Variants in PAWR observed in about 807,000 individuals in gnomAD.
PAWR encodes the protein PRKC apoptosis WT1 regulator protein.
A neutral mutation model predicts 32.0 loss-of-function variants in PAWR; 23 were observed. The observed-to-expected ratio is 0.72, with a 90% CI of 0.52 to 1.02. The LOEUF (loss-of-function observed/expected upper bound fraction) is 1.02. Among genes scored for constraint, PAWR ranks in the 50% least tolerant of loss-of-function variants. The probability of loss-of-function intolerance (pLI) is 0.00; values close to 1 mark genes in which losing one functional copy is unlikely to be tolerated. For synonymous variants in PAWR, 226 were observed against 187.1 expected, an observed-to-expected ratio of 1.21 and a Z score of -1.70; for missense variants, 457 against 437.7, an observed-to-expected ratio of 1.04 and a Z score of -0.39.
chr12:79,662,755 C>G (rs532442473), intron 2 of PAWR, among the ~76,000 whole-genome samples: 1 of 152,262 alleles, frequency 6.6e-6, no homozygotes, highest in South Asian at 2.1e-4. Flanking sequence ...TCACATAAAG[C>G]CTATCTACTT....
chr12:79,627,872 C>A (rs1384086606), intron 2 of PAWR, among the ~76,000 whole-genome samples: 1 of 152,130 alleles, frequency 6.6e-6, no homozygotes, highest in Non-Finnish European at 1.5e-5. Flanking sequence ...GACTTTAACA[C>A]CCCACTGTCA....
intron 2 of PAWR, among the ~76,000 whole-genome samples, chr12:79,674,999 G>A (rs1878091711): frequency 1.3e-5 from 2 of 152,134 alleles, no homozygotes; most frequent in Non-Finnish European, 2.9e-5. Flanking sequence ...AAGCAGTTTG[G>A]AGATTTCTCA....
intron 2 of PAWR, among the ~76,000 whole-genome samples, chr12:79,645,001 T>C (rs1008769784): frequency 2.0e-5 from 3 of 149,262 alleles, no homozygotes; most frequent in South Asian, 2.1e-4. Flanking sequence ...GTCTCTGTAA[T>C]GTAAAAAAGA....
chr12:79,636,947 GCTCT>G (rs1378278705), intron 2 of PAWR, among the ~76,000 whole-genome samples: 4 of 152,056 alleles, frequency 2.6e-5, no homozygotes, highest in African/African-American at 9.6e-5. Flanking sequence ...CCTCAACAAG[GCTCT>G]AATAAGGAAA....
At chr12:79,676,925 A>G (rs1878198159) in intron 2 of PAWR, among the ~76,000 whole-genome samples, 1 of 152,224 alleles carries the variant, frequency 6.6e-6, no homozygotes, top group South Asian at 2.1e-4. Context: ...TCCTCCAGGA[A>G]TCTCTCAAAT....
At chr12:79,613,635 C>T (rs1874539991) in intron 3 of PAWR, 26 bp from the exon 4 acceptor site, 1 of 1,402,666 alleles carries the variant, frequency 7.1e-7, no homozygotes, top group African/African-American at 1.4e-5. Flanking sequence ...AATTATGTAT[C>T]AGTTTGAGTA....
intron 2 of PAWR, among the ~76,000 whole-genome samples, chr12:79,670,459 C>T (rs1305421068): frequency 2.1e-5 from 3 of 143,536 alleles, no homozygotes; most frequent in African/African-American, 8.9e-5. Context: ...ATCATTTTTT[C>T]TTGGGGAAAA....
intron 2 of PAWR, among the ~76,000 whole-genome samples, chr12:79,676,620 T>C (rs1053636406): frequency 6.6e-6 from 1 of 152,198 alleles, no homozygotes; most frequent in Non-Finnish European, 1.5e-5. Context: ...AATTTTGCTC[T>C]CACAATATGA....
chr12:79,636,363 G>A (rs554095357), intron 2 of PAWR, among the ~76,000 whole-genome samples: 3 of 152,182 alleles, frequency 2.0e-5, no homozygotes, highest in Non-Finnish European at 4.4e-5. Flanking sequence ...AATATATGGA[G>A]AAGAGTATAA....
rs1199048854 is a variant in PAWR at position 79,690,077 on chromosome 12, C to T, written c.168G>A (p.Gly56=). Residue 56 remains glycine, a synonymous_variant, in exon 2 of 7, where the codon GGG becomes GGA. Transcript: ENST00000328827. ...SSDAAGKPPA[G]ALGTPAAAAA... is the part of the protein sequence containing the mutation. ...CGGCGGCCGCCGGGGTGCCCAGAGC[C>T]CCCGCGGGGGGCTTCCCAGCGGCGT... 2.1e-6 allele frequency: 3 copies of T among 1,418,074 alleles called. No homozygotes were observed. The highest frequency in any genetic ancestry group is 3.4e-5 in the Admixed American group (1 of 29,666). 87.8% of individuals were successfully genotyped at this position (1,418,074 alleles called of 1,614,324 possible). A position where few individuals can be genotyped will look rare whatever the true frequency, so the allele number is the denominator to read the frequency against.
intron 2 of PAWR, among the ~76,000 whole-genome samples, chr12:79,632,338 TATATATATATATATA>T (rs1875717926): frequency 3.4e-5 from 2 of 58,740 alleles, no homozygotes; most frequent in African/African-American, 4.2e-4. Context: ...TATATATATA[TATATATATATATATA>T]TATATATATT....
chr12:79,675,450 C>G (rs1007797874), intron 2 of PAWR, among the ~76,000 whole-genome samples: 1 of 152,094 alleles, frequency 6.6e-6, no homozygotes, highest in African/African-American at 2.4e-5. Context: ...TTCATCGCAG[C>G]ACTATTCACA....
intron 2 of PAWR, among the ~76,000 whole-genome samples, chr12:79,673,024 T>C (rs2136858712): frequency 6.6e-6 from 1 of 152,278 alleles, no homozygotes; most frequent in Middle Eastern, 3.4e-3. Flanking sequence ...TCAAGTTAGA[T>C]GTCAAATTTC....
chr12:79,641,762 AC>A (rs1257557203), intron 2 of PAWR, among the ~76,000 whole-genome samples: 1 of 146,154 alleles, frequency 6.8e-6, no homozygotes, highest in East Asian at 2.1e-4. Context: ...CAGGAGAATC[AC>A]GTGGACCAGG....
At chr12:79,676,597 T>C (rs1240881265) in intron 2 of PAWR, among the ~76,000 whole-genome samples, 3 of 152,180 alleles carry the variant, frequency 2.0e-5, no homozygotes, top group East Asian at 1.9e-4. Flanking sequence ...AGCCTGATAG[T>C]TGATCTTATT....
chr12:79,647,749 T>C (rs1876644320), intron 2 of PAWR, among the ~76,000 whole-genome samples: 1 of 152,154 alleles, frequency 6.6e-6, no homozygotes, highest in South Asian at 2.1e-4. Context: ...AAGGGAAAGT[T>C]GAACATGAAA....
chr12:79,665,512 A>G (rs1877561419), intron 2 of PAWR, among the ~76,000 whole-genome samples: 4 of 152,102 alleles, frequency 2.6e-5, no homozygotes, highest in Admixed American at 1.3e-4. Context: ...AAATTCCGTA[A>G]GTCAATTAAA....
chr12:79,638,927 T>G (rs1450730774), intron 2 of PAWR, among the ~76,000 whole-genome samples: 6 of 96,638 alleles, frequency 6.2e-5, no homozygotes, highest in African/African-American at 2.7e-4. Context: ...TTTTTTTTTT[T>G]TTTGAGATGG....
At chr12:79,685,311 C>T (rs1878632681) in intron 2 of PAWR, among the ~76,000 whole-genome samples, 1 of 152,140 alleles carries the variant, frequency 6.6e-6, no homozygotes, top group South Asian at 2.1e-4. Flanking sequence ...AGTTTCTCTC[C>T]TGACTCATCA....
Sources: allele counts gnomAD v4.1 joint callset (sites outside exome capture counted in the v4.1 genomes callset), GRCh38; gene constraint gnomAD v4.1.1; transcripts MANE v1.5; gene names NCBI Gene and HGNC (gene_info 2026-07-23, HGNC 2026-07-21).